KLHL7: variants seen among roughly 807,000 people sequenced by gnomAD.
KLHL7 encodes kelch like family member 7, also known as kelch-like protein 7.
Under a neutral mutation model 67.4 loss-of-function variants are expected in KLHL7, and 44 were observed. The ratio of observed to expected loss-of-function variants is 0.65; its 90% CI spans 0.51 to 0.84. The LOEUF (loss-of-function observed/expected upper bound fraction) is 0.84, where lower values mean the gene tolerates loss of function less well. Ranked by LOEUF, KLHL7 falls within the 40% of genes least tolerant of loss-of-function variation. The pLI, the probability that KLHL7 is intolerant of heterozygous loss-of-function variation, is 0.00. For synonymous variants in KLHL7, 252 were observed against 243.3 expected (o/e 1.04, Z -0.33); for missense variants, 362 against 718.1 (o/e 0.50, Z 5.67).
intron 1 of KLHL7, among the ~76,000 whole-genome samples, chr7:23,108,355 G>A (rs766476359): frequency 4.6e-5 from 7 of 152,108 alleles, no homozygotes; most frequent in African/African-American, 1.4e-4. Flanking sequence ...CAGCAGCCTC[G>A]GCTTCTTCTA....
intron 1 of KLHL7, among the ~76,000 whole-genome samples, chr7:23,107,451 C>A (rs1782690719): frequency 6.6e-6 from 1 of 152,178 alleles, no homozygotes; most frequent in Non-Finnish European, 1.5e-5. Context: ...CCCTCCCACT[C>A]CCTCGAATAT....
chr7:23,143,615 C>T (rs1784262593), intron 5 of KLHL7, among the ~76,000 whole-genome samples: 1 of 151,842 alleles, frequency 6.6e-6, no homozygotes, highest in East Asian at 1.9e-4. Flanking sequence ...TCAACATCCT[C>T]CCTGTCATTA....
At chr7:23,141,449 G>A (rs1363464371) in intron 5 of KLHL7, among the ~76,000 whole-genome samples, 1 of 152,226 alleles carries the variant, frequency 6.6e-6, no homozygotes, top group Non-Finnish European at 1.5e-5. Context: ...GCTGGAAAAG[G>A]CAAGGAAGTG....
intron 4 of KLHL7, among the ~76,000 whole-genome samples, chr7:23,139,924 C>A (rs1374200218): frequency 6.7e-6 from 1 of 149,066 alleles, no homozygotes; most frequent in Non-Finnish European, 1.5e-5. Flanking sequence ...TTTTCCTTAA[C>A]CTTTCAAAAA....
At chr7:23,139,343 A>T in intron 4 of KLHL7, among the ~76,000 whole-genome samples, 1 of 152,376 alleles carries the variant, frequency 6.6e-6, no homozygotes, top group Non-Finnish European at 1.5e-5. Context: ...ATAATTTACT[A>T]TGCTAACAAG....
At chr7:23,168,309 C>T (rs1016848206) in intron 9 of KLHL7, among the ~76,000 whole-genome samples, 7 of 152,102 alleles carry the variant, frequency 4.6e-5, no homozygotes, top group Non-Finnish European at 1.5e-5. Flanking sequence ...CTGATTGATT[C>T]GTCAACTCAT....
chr7:23,147,720 A>C (rs1309175575), intron 6 of KLHL7, among the ~76,000 whole-genome samples: 1 of 152,168 alleles, frequency 6.6e-6, no homozygotes. Context: ...CAAGTTCTAT[A>C]GGGCACAACA....
intron 8 of KLHL7, 124 bp from the exon 9 acceptor site, chr7:23,167,712 G>T: frequency 1.3e-6 from 1 of 767,256 alleles, no homozygotes; most frequent in Non-Finnish European, 2.2e-6. Flanking sequence ...GTTGTTGATT[G>T]AGTATGAAAA....
intron 1 of KLHL7, chr7:23,106,419 G>C: frequency 7.7e-7 from 1 of 1,296,690 alleles, no homozygotes. Flanking sequence ...TCGGGTATCG[G>C]TTGTGTAACA....
intron 4 of KLHL7, among the ~76,000 whole-genome samples, chr7:23,126,566 C>T (rs1201317751): frequency 6.6e-6 from 1 of 152,146 alleles, no homozygotes; most frequent in Non-Finnish European, 1.5e-5. Context: ...ATGACAAGAA[C>T]GCAAAGACTG....
Position 23,140,822 on chromosome 7 carries a change from G to A in KLHL7, c.496G>A (p.Asp166Asn), listed in dbSNP as rs1784157832. 6.2e-7 allele frequency: 1 copy of A among 1,613,858 alleles called. No individual in the cohort carries two copies. The highest frequency in any genetic ancestry group is 8.5e-7 in the Non-Finnish European group (1 of 1,179,930). Residue 166 changes from aspartate to asparagine, a missense_variant, in exon 5 of 11, where the codon GAT becomes AAT. By Grantham distance (23) the Asp-to-Asn change is conservative. Transcript: ENST00000339077. The part of the protein sequence containing the change: ...LDCPELKATA[D>N]DFIHQHFTEV... ...TTGTCCTGAATTGAAAGCAACTGCAGATGACTTTATTCATCAGCACTTTAC... is the reference window on the plus strand; with the variant it reads ...TTGTCCTGAATTGAAAGCAACTGCAAATGACTTTATTCATCAGCACTTTAC...
chr7:23,117,285 G>C (rs554387233), intron 1 of KLHL7, among the ~76,000 whole-genome samples: 2 of 151,486 alleles, frequency 1.3e-5, no homozygotes, highest in East Asian at 1.9e-4. Flanking sequence ...TTAGGGTTTC[G>C]CCATGTTGGC....
intron 1 of KLHL7, among the ~76,000 whole-genome samples, chr7:23,117,098 T>TTTTTTTTG (rs1783121166): frequency 7.1e-6 from 1 of 141,504 alleles, no homozygotes; most frequent in Non-Finnish European, 1.5e-5. Flanking sequence ...TTTTTTTTTT[T>TTTTTTTTG]TTTTTTTGAG....
Position 23,175,528 on chromosome 7 carries a change from G to A in KLHL7, c.*1230G>A. On this transcript the variant is annotated 3_prime_UTR_variant, in exon 11 of 11. Coordinates refer to ENST00000339077, the MANE Select transcript of KLHL7 (RefSeq NM_001031710.3). ...TTTTCTTTATATAGAGGTTATAATAGTCTTAAACCCTAAAAATGTTTAAAT... is the reference window on the plus strand; with the variant it reads ...TTTTCTTTATATAGAGGTTATAATAATCTTAAACCCTAAAAATGTTTAAAT... 3.1e-6 allele frequency: 1 copy of A among 327,548 alleles called. No homozygotes were observed. 20.3% of individuals were successfully genotyped at this position (327,548 alleles called of 1,614,324 possible).
chr7:23,138,704 A>G (rs1404848706), intron 4 of KLHL7, among the ~76,000 whole-genome samples: 1 of 151,200 alleles, frequency 6.6e-6, no homozygotes, highest in Non-Finnish European at 1.5e-5. Context: ...CACTCAGCTG[A>G]TTTTTGTATT....
chr7:23,108,963 A>T (rs889770293), intron 1 of KLHL7, among the ~76,000 whole-genome samples: 4 of 152,250 alleles, frequency 2.6e-5, no homozygotes, highest in African/African-American at 9.6e-5. Flanking sequence ...GTTTGGAACT[A>T]TTAAGACTAG....
intron 1 of KLHL7, among the ~76,000 whole-genome samples, chr7:23,108,539 C>T (rs1448249256): frequency 6.6e-6 from 1 of 152,158 alleles, no homozygotes; most frequent in Admixed American, 6.5e-5. Flanking sequence ...CAGAGGTCCC[C>T]CCTTATGCCC....
At position 23,175,786 on chromosome 7, in the gene KLHL7, C is replaced by G. The variant is rs188500742; in HGVS notation, c.*1488C>G. Reference sequence around the variant, plus strand: ...GACCACCCTGGCCAACATGATGAGACCCCGTCTCTACTAAAAATACAAAAA... The same window carrying G: ...GACCACCCTGGCCAACATGATGAGAGCCCGTCTCTACTAAAAATACAAAAA... On this transcript the variant is annotated 3_prime_UTR_variant, in exon 11 of 11. Coordinates refer to ENST00000339077, the MANE Select transcript of KLHL7 (RefSeq NM_001031710.3). 837 of 141,620 alleles carry G rather than the reference C, an allele frequency of 5.9e-3. 12 individuals are homozygous for G. Among genetic ancestry groups the G allele is most frequent in the Non-Finnish European group, 6.4e-3 (404 of 62,962 alleles). 8.8% of individuals were successfully genotyped at this position (141,620 alleles called of 1,614,324 possible).
intron 7 of KLHL7, among the ~76,000 whole-genome samples, chr7:23,158,776 G>A (rs944021742): frequency 6.6e-6 from 1 of 152,174 alleles, no homozygotes; most frequent in African/African-American, 2.4e-5. Context: ...TAGCACAGAG[G>A]TGGCTGTCAA....
Sources: gnomAD v4.1 joint callset for allele counts (sites outside exome capture counted in the v4.1 genomes callset) on GRCh38, gnomAD v4.1.1 for gene constraint, MANE v1.5 for transcripts, NCBI Gene and HGNC (gene_info 2026-07-23, HGNC 2026-07-21) for gene names.